GRIA4: variants seen among roughly 807,000 people sequenced by gnomAD.
GRIA4 encodes glutamate ionotropic receptor AMPA type subunit 4.
A neutral mutation model predicts 104.0 loss-of-function variants in GRIA4; 34 were observed. That is an observed-to-expected ratio of 0.33 (90% CI 0.25 to 0.44). The LOEUF (loss-of-function observed/expected upper bound fraction) is 0.44, where lower values mean the gene tolerates loss of function less well. Among genes scored for constraint, GRIA4 ranks in the 20% least tolerant of loss-of-function variants. GRIA4 has a pLI of 1.00. For synonymous variants in GRIA4, 386 were observed against 381.9 expected, an observed-to-expected ratio of 1.01 and a Z score of -0.13; for missense variants, 750 against 1,096.5, an observed-to-expected ratio of 0.68 and a Z score of 4.46.
At chr11:105,789,885 T>C (rs995932978) in intron 4 of GRIA4, among the ~76,000 whole-genome samples, 7 of 152,180 alleles carry the variant, frequency 4.6e-5, no homozygotes, top group Admixed American at 6.5e-5. Context: ...GAAGTCATTG[T>C]GGTACTCTTA....
intron 4 of GRIA4, among the ~76,000 whole-genome samples, chr11:105,753,836 C>T (rs1940150780): frequency 6.6e-6 from 1 of 152,106 alleles, no homozygotes; most frequent in South Asian, 2.1e-4. Context: ...ACAGAGGATA[C>T]AGATGAACAG....
At chr11:105,668,301 A>G (rs902323797) in intron 3 of GRIA4, among the ~76,000 whole-genome samples, 1 of 147,348 alleles carries the variant, frequency 6.8e-6, no homozygotes, top group Non-Finnish European at 1.5e-5. Context: ...ACATATATCT[A>G]TACATAGACA....
chr11:105,707,891 G>A (rs935129100), intron 3 of GRIA4: 1 of 152,740 alleles, frequency 6.5e-6, no homozygotes, highest in Non-Finnish European at 1.5e-5. Flanking sequence ...CCTGGAATGG[G>A]AGGAATGGGT....
chr11:105,740,531 ACTT>A (rs1939240409), intron 3 of GRIA4, among the ~76,000 whole-genome samples: 2 of 152,252 alleles, frequency 1.3e-5, no homozygotes, highest in Non-Finnish European at 2.9e-5. Flanking sequence ...CAATCCAGTT[ACTT>A]CTTCTTGTGG....
chr11:105,956,586 A>T (rs373185612), intron 14 of GRIA4, among the ~76,000 whole-genome samples: 1 of 152,198 alleles, frequency 6.6e-6, no homozygotes, highest in African/African-American at 2.4e-5. Context: ...ATGTGTCTTT[A>T]TATCAGCATG....
intron 4 of GRIA4, among the ~76,000 whole-genome samples, chr11:105,820,750 A>G (rs951673417): frequency 5.3e-5 from 8 of 152,016 alleles, no homozygotes; most frequent in African/African-American, 1.9e-4. Context: ...ATTTCACTGA[A>G]TTTTAAGATC....
chr11:105,800,443 A>G (rs1388436874), intron 4 of GRIA4, among the ~76,000 whole-genome samples: 1 of 152,094 alleles, frequency 6.6e-6, no homozygotes, highest in East Asian at 1.9e-4. Flanking sequence ...GAAGACTCCT[A>G]ATGATAATGT....
At chr11:105,669,705 T>C (rs1430110542) in intron 3 of GRIA4, among the ~76,000 whole-genome samples, 1 of 152,156 alleles carries the variant, frequency 6.6e-6, no homozygotes, top group African/African-American at 2.4e-5. Context: ...ATATCTCAGG[T>C]ATGCAGTAGC....
At chr11:105,808,074 GAGAT>G (rs1337048878) in intron 4 of GRIA4, among the ~76,000 whole-genome samples, 1 of 151,816 alleles carries the variant, frequency 6.6e-6, no homozygotes, top group Non-Finnish European at 1.5e-5. Flanking sequence ...TCTGATTAAA[GAGAT>G]AGATCCTACT....
At chr11:105,792,895 C>A (rs1421546277) in intron 4 of GRIA4, among the ~76,000 whole-genome samples, 4 of 106,382 alleles carry the variant, frequency 3.8e-5, no homozygotes, top group Non-Finnish European at 7.6e-5. Context: ...AGTTTGCCAA[C>A]CAGAGTTTGT....
intron 14 of GRIA4, among the ~76,000 whole-genome samples, chr11:105,968,641 C>G (rs1591497469): frequency 6.6e-6 from 1 of 152,300 alleles, no homozygotes; most frequent in Non-Finnish European, 1.5e-5. Flanking sequence ...TTGTGGGGTA[C>G]AAATTCCTTC....
intron 4 of GRIA4, among the ~76,000 whole-genome samples, chr11:105,809,468 C>T (rs1366695140): frequency 6.6e-6 from 1 of 152,154 alleles, no homozygotes; most frequent in South Asian, 2.1e-4. Flanking sequence ...TGTCCCCACT[C>T]AAATCTCATC....
chr11:105,617,343 T>C lies in GRIA4; in HGVS notation c.247+4909T>C, dbSNP rs528381927. ...GTGAGACAGTCTAAAAAGAAAGTAATTATGTTCTAGATAAGACAGCTTCGG... is the reference window on the plus strand; with the variant it reads ...GTGAGACAGTCTAAAAAGAAAGTAACTATGTTCTAGATAAGACAGCTTCGG... On this transcript the variant is annotated intron_variant, in intron 3 of 16. Coordinates refer to ENST00000282499, the MANE Select transcript of GRIA4 (RefSeq NM_000829.4). 3.5e-4 allele frequency among the ~76,000 whole-genome samples: 53 copies of C among 151,838 alleles called. 1 individual carries two copies. The highest frequency in any genetic ancestry group is 2.9e-3 in the East Asian group (15 of 5,178).
intron 3 of GRIA4, among the ~76,000 whole-genome samples, chr11:105,719,344 T>C (rs1954214670): frequency 6.6e-6 from 1 of 152,116 alleles, no homozygotes; most frequent in Non-Finnish European, 1.5e-5. Flanking sequence ...CGGCTGGCTA[T>C]GTTTTGGGAG....
At chr11:105,632,830 G>C (rs767978625) in intron 3 of GRIA4, among the ~76,000 whole-genome samples, 1 of 152,074 alleles carries the variant, frequency 6.6e-6, no homozygotes, top group Non-Finnish European at 1.5e-5. Flanking sequence ...AAAGTGTTTA[G>C]GCATGGACCT....
chr11:105,957,191 A>G (rs926773884), intron 14 of GRIA4, among the ~76,000 whole-genome samples: 47 of 152,170 alleles, frequency 3.1e-4, no homozygotes, highest in African/African-American at 1.1e-3. Context: ...GCCCATGCCT[A>G]TGTCCTGTAT....
In GRIA4 at chr11:105,979,763, C is replaced by T. The variant is rs1317881979; in HGVS notation, c.*24C>T. 1.3e-6 allele frequency: 2 copies of T among 1,578,310 alleles called. No homozygotes were observed. Among genetic ancestry groups the T allele is most frequent in the Non-Finnish European group, 1.7e-6 (2 of 1,149,412 alleles). On this transcript the variant is annotated 3_prime_UTR_variant, in exon 17 of 17. Coordinates refer to ENST00000282499, the MANE Select transcript of GRIA4 (RefSeq NM_000829.4). Reference sequence around the variant, plus strand: ...AAAAACCAAAAAAATAATTGAGTGCCTTAATTAAACTGTTGGTGACTGGTG... The same window carrying T: ...AAAAACCAAAAAAATAATTGAGTGCTTTAATTAAACTGTTGGTGACTGGTG...
intron 4 of GRIA4, among the ~76,000 whole-genome samples, chr11:105,833,059 C>A (rs1360615945): frequency 6.6e-6 from 1 of 151,914 alleles, no homozygotes; most frequent in East Asian, 1.9e-4. Context: ...ATTCCCACGT[C>A]TTTTGGCAAA....
intron 3 of GRIA4, among the ~76,000 whole-genome samples, chr11:105,637,473 A>G (rs1160728312): frequency 6.6e-6 from 1 of 152,192 alleles, no homozygotes; most frequent in East Asian, 1.9e-4. Flanking sequence ...ATTTTTTGTA[A>G]ATATTCACTG....
Sources: allele counts gnomAD v4.1 joint callset (sites outside exome capture counted in the v4.1 genomes callset), GRCh38; gene constraint gnomAD v4.1.1; transcripts MANE v1.5; gene names NCBI Gene and HGNC (gene_info 2026-07-23, HGNC 2026-07-21).